Variants in ANK3 observed in about 807,000 individuals in gnomAD.
The protein encoded by ANK3 is ankyrin 3.
Under a neutral mutation model 370.9 loss-of-function variants are expected in ANK3, and 57 were observed. The ratio of observed to expected loss-of-function variants is 0.15; its 90% confidence interval spans 0.12 to 0.19. The LOEUF (loss-of-function observed/expected upper bound fraction) is 0.19, where lower values mean the gene tolerates loss of function less well. Among genes scored for constraint, ANK3 ranks in the 10% least tolerant of loss-of-function variants. ANK3 has a pLI of 1.00. For missense variants in ANK3, 4,439 were observed against 5,302.1 expected, an observed-to-expected ratio of 0.84 and a Z score of 5.06; for synonymous variants, 1,929 against 1,946.3, an observed-to-expected ratio of 0.99 and a Z score of 0.23.
chr10:60,163,698 A>G (rs1278343587), intron 23 of ANK3, among the ~76,000 whole-genome samples: 1 of 152,174 alleles, frequency 6.6e-6, no homozygotes, highest in East Asian at 1.9e-4. Flanking sequence ...TTGCTTTTTA[A>G]TTTTTTATCT....
In ANK3 at chr10:60,538,109, C is replaced by T. The variant is rs72820999; in HGVS notation, c.96+77077G>A. 5.7e-3 allele frequency among the ~76,000 whole-genome samples: 862 copies of T among 151,804 alleles called. 5 individuals carry two copies. Among genetic ancestry groups the T allele is most frequent in the Middle Eastern group, 0.01 (3 of 294 alleles). On this transcript the variant is annotated intron_variant, in intron 2 of 43. Transcript: ENST00000373827. ...TTGTGTTATTCCATATCCATGGGGCCGCCAACCATAGTTTCATATTTGGGT... is the reference window on the plus strand; with the variant it reads ...TTGTGTTATTCCATATCCATGGGGCTGCCAACCATAGTTTCATATTTGGGT...
chr10:60,576,282 C>G (rs1000504574), intron 2 of ANK3, among the ~76,000 whole-genome samples: 1 of 152,168 alleles, frequency 6.6e-6, no homozygotes, highest in Non-Finnish European at 1.5e-5. Context: ...CTAGTTGATA[C>G]AGATCTGAGA....
intron 7 of ANK3, among the ~76,000 whole-genome samples, chr10:60,238,685 A>C (rs1258597411): frequency 6.6e-6 from 1 of 152,058 alleles, no homozygotes; most frequent in East Asian, 1.9e-4. Flanking sequence ...CTGATGCCCC[A>C]GACTCCACCC....
intron 1 of ANK3, among the ~76,000 whole-genome samples, chr10:60,370,033 T>C (rs1323751267): frequency 6.6e-6 from 1 of 152,182 alleles, no homozygotes; most frequent in Non-Finnish European, 1.5e-5. Context: ...TTCAGAGGTA[T>C]TTTATAAAAA....
intron 2 of ANK3, among the ~76,000 whole-genome samples, chr10:60,482,411 C>G (rs1053599494): frequency 1.3e-5 from 2 of 152,170 alleles, no homozygotes; most frequent in Non-Finnish European, 2.9e-5. Flanking sequence ...AATCTTCAAC[C>G]ATTTTAAAAT....
intron 1 of ANK3, among the ~76,000 whole-genome samples, chr10:60,676,402 C>T (rs2079126186): frequency 6.7e-6 from 1 of 149,690 alleles, no homozygotes; most frequent in African/African-American, 2.5e-5. Context: ...CTATAAATCA[C>T]TACAGGTATA....
intron 1 of ANK3, among the ~76,000 whole-genome samples, chr10:60,299,735 T>C (rs2043284432): frequency 1.3e-5 from 2 of 152,238 alleles, no homozygotes; most frequent in African/African-American, 4.8e-5. Context: ...CTATGCCAAT[T>C]CTTTAAAATT....
chr10:60,644,155 T>C (rs191612727), intron 1 of ANK3, among the ~76,000 whole-genome samples: 4 of 152,298 alleles, frequency 2.6e-5, no homozygotes, highest in Admixed American at 6.5e-5. Flanking sequence ...AAGAGAGTAA[T>C]GAATGTAAGA....
At chr10:60,523,091 A>G (rs1015099117) in intron 2 of ANK3, among the ~76,000 whole-genome samples, 10 of 152,092 alleles carry the variant, frequency 6.6e-5, no homozygotes, top group African/African-American at 1.9e-4. Flanking sequence ...CATTAAAAAG[A>G]TATCAAGTAA....
At chr10:60,092,390 A>C (rs1388837258) in intron 28 of ANK3, among the ~76,000 whole-genome samples, 1 of 152,168 alleles carries the variant, frequency 6.6e-6, no homozygotes, top group Non-Finnish European at 1.5e-5. Context: ...AAACTTGTAG[A>C]ATGACAAAAT....
At chr10:60,553,320 C>A (rs2077132667) in intron 2 of ANK3, among the ~76,000 whole-genome samples, 1 of 152,102 alleles carries the variant, frequency 6.6e-6, no homozygotes, top group South Asian at 2.1e-4. Context: ...GAAGAAAACA[C>A]TTCATTGGTT....
rs1420884936 is a variant in ANK3 at position 60,073,152 on chromosome 10, C to A, written c.7729G>T (p.Val2577Leu). 1.9e-6 allele frequency: 3 copies of A among 1,614,098 alleles called. No individual in the cohort carries two copies. In the East Asian group the frequency reaches 6.7e-5, roughly 36 times the overall value. ...TCAGCCTCCTTCACAGTCCTGTCCA[C>A]CCTATCTTCATATATCAACTTCTCT... ...GREKLIYEDR[V>L]DRTVKEAEEK... Residue 2577 changes from valine to leucine, a missense_variant, in exon 37 of 44, where the codon GTG (valine) becomes TTG (leucine). By Grantham distance (32) the Val-to-Leu change is conservative. Transcript: ENST00000280772.
intron 42 of ANK3, among the ~76,000 whole-genome samples, chr10:60,054,327 T>C (rs2078697441): frequency 6.6e-6 from 1 of 152,140 alleles, no homozygotes; most frequent in Admixed American, 6.5e-5. Flanking sequence ...GAAATCAGTA[T>C]TCAAAACCAC....
At chr10:60,119,120 T>C (rs1368904266) in intron 25 of ANK3, among the ~76,000 whole-genome samples, 1 of 152,242 alleles carries the variant, frequency 6.6e-6, no homozygotes, top group Non-Finnish European at 1.5e-5. Context: ...ACCTTAGTGC[T>C]TTCTCTTCTG....
chr10:60,465,031 C>A (rs186155052), intron 2 of ANK3, among the ~76,000 whole-genome samples: 1 of 152,080 alleles, frequency 6.6e-6, no homozygotes, highest in African/African-American at 2.4e-5. Flanking sequence ...TTTGGGAGGA[C>A]GAGGCAGGTG....
Position 60,064,142 on chromosome 10 carries a change from A to ATAT in ANK3, c.12451+14_12451+15insATA. 1 of 1,546,974 alleles carries ATAT rather than the reference A, an allele frequency of 6.5e-7. No homozygotes were observed. Among genetic ancestry groups the ATAT allele is most frequent in the Non-Finnish European group, 8.6e-7 (1 of 1,156,948 alleles). The stretch of plus-strand genomic sequence containing the variant: ...ATGCAGTTTTGAAAGTTAAAATAAT[A>ATAT]TAATTTCGGCATACTTGTGGCATTT... On this transcript the variant is annotated intron_variant, in intron 39 of 43. Coordinates refer to ENST00000280772, the MANE Select transcript of ANK3 (RefSeq NM_020987.5).
chr10:60,481,803 A>T (rs1372512963), intron 2 of ANK3, among the ~76,000 whole-genome samples: 1 of 152,194 alleles, frequency 6.6e-6, no homozygotes, highest in African/African-American at 2.4e-5. Flanking sequence ...ACTGGAGAGC[A>T]AAAGCCGTCA....
intron 1 of ANK3, among the ~76,000 whole-genome samples, chr10:60,323,043 G>A (rs2049016973): frequency 1.3e-5 from 2 of 152,146 alleles, no homozygotes; most frequent in Non-Finnish European, 2.9e-5. Flanking sequence ...AGCAGACCTT[G>A]AGACACACAT....
At chr10:60,469,299 ATATATATACCACTTTTAGTG>A (rs1567067165) in intron 2 of ANK3, among the ~76,000 whole-genome samples, 1 of 147,530 alleles carries the variant, frequency 6.8e-6, no homozygotes, top group Non-Finnish European at 1.5e-5. Context: ...ATATATATAT[ATATATATACCACTTTTAGTG>A]TATATATATA....
Sources: gnomAD v4.1 joint callset for allele counts (sites outside exome capture counted in the v4.1 genomes callset) on GRCh38, gnomAD v4.1.1 for gene constraint, MANE v1.5 for transcripts, NCBI Gene and HGNC (gene_info 2026-07-23, HGNC 2026-07-21) for gene names.